The following BCAS3 variants were observed in gnomAD, a reference collection of about 807,000 sequenced individuals.
BCAS3 encodes the protein BCAS4/BCAS3 fusion.
BCAS3 carries 53 observed loss-of-function variants against 116.1 expected under a neutral mutation model. The observed-to-expected ratio is 0.46, with a 90% CI of 0.37 to 0.57. BCAS3 has a LOEUF of 0.57. BCAS3 is among the 20% of genes least tolerant of loss of function. The pLI, the probability that BCAS3 is intolerant of heterozygous loss-of-function variation, is 0.00. For missense variants in BCAS3, 917 were observed against 1,165.4 expected (o/e 0.79, Z 3.10); for synonymous variants, 391 against 408.2 (o/e 0.96, Z 0.51).
intron 19 of BCAS3, among the ~76,000 whole-genome samples, chr17:61,070,644 G>A (rs1482625028): frequency 6.6e-6 from 1 of 151,650 alleles, no homozygotes; most frequent in Non-Finnish European, 1.5e-5. Flanking sequence ...TTACCTTTTT[G>A]TGCCCAAAGC....
Position 61,315,068 on chromosome 17 carries a change from A to T in BCAS3, c.2426-53259A>T, listed in dbSNP as rs1437408139. ...CCTTGAATCCTCTCCCCAGCATTCCAGGGGCAGTCTCCTCCACACGCCACA... is the reference window on the plus strand; with the variant it reads ...CCTTGAATCCTCTCCCCAGCATTCCTGGGGCAGTCTCCTCCACACGCCACA... On this transcript the variant is annotated intron_variant, in intron 22 of 23. Transcript: ENST00000407086. This position sits in a 1 kb window ranked among gnomAD's most constrained non-coding sequence, Gnocchi z 5.3. Among the ~76,000 whole-genome samples the T allele has an allele frequency of 6.6e-6, 1 of 152,198 alleles. No individual in the cohort carries two copies. The highest frequency in any genetic ancestry group is 1.9e-4 in the East Asian group (1 of 5,174).
chr17:61,052,778 G>A (rs1450117630), intron 19 of BCAS3, among the ~76,000 whole-genome samples: 3 of 148,774 alleles, frequency 2.0e-5, no homozygotes, highest in Non-Finnish European at 3.0e-5. Flanking sequence ...GAGTGTAGTG[G>A]CACGCTCTTG....
intron 22 of BCAS3, among the ~76,000 whole-genome samples, chr17:61,179,874 C>CTTTT (rs5821309): frequency 1.3e-4 from 16 of 124,490 alleles, no homozygotes; most frequent in African/African-American, 3.3e-4. Context: ...CTCTCTCTCT[C>CTTTT]TTTTTTTTTT....
intron 14 of BCAS3, among the ~76,000 whole-genome samples, chr17:60,963,002 A>G (rs2061483080): frequency 2.6e-5 from 4 of 152,140 alleles, no homozygotes; most frequent in Non-Finnish European, 4.4e-5. Flanking sequence ...CTGTTCTTTT[A>G]CCTTCTTATG....
At chr17:61,061,769 A>T (rs1316512834) in intron 19 of BCAS3, among the ~76,000 whole-genome samples, 1 of 152,218 alleles carries the variant, frequency 6.6e-6, no homozygotes, top group Admixed American at 6.5e-5. Context: ...CTGTTGAAGC[A>T]TTACAACTCA....
At chr17:61,086,755 A>G in intron 22 of BCAS3, 1 of 985,428 alleles carries the variant, frequency 1.0e-6, no homozygotes, top group Non-Finnish European at 1.2e-6. Context: ...CAAAACAGTG[A>G]AACATGTGTG....
chr17:60,876,395 T>C (rs2055608210), intron 9 of BCAS3, among the ~76,000 whole-genome samples: 1 of 152,078 alleles, frequency 6.6e-6, no homozygotes, highest in Admixed American at 6.5e-5. Flanking sequence ...GATGTTTTAA[T>C]CCTATATATC....
intron 7 of BCAS3, among the ~76,000 whole-genome samples, chr17:60,852,929 C>T (rs139536638): frequency 6.6e-6 from 1 of 152,282 alleles, no homozygotes; most frequent in Non-Finnish European, 1.5e-5. Flanking sequence ...TAAGATTAAC[C>T]AATTGCCCTC....
intron 22 of BCAS3, among the ~76,000 whole-genome samples, chr17:61,272,734 G>A (rs1333121270): frequency 7.0e-6 from 1 of 142,480 alleles, no homozygotes; most frequent in African/African-American, 2.5e-5. Context: ...TAGTGTGTAA[G>A]TTTCAGGCTA....
chr17:60,784,406 C>T (rs938102139), intron 6 of BCAS3, among the ~76,000 whole-genome samples: 2 of 148,704 alleles, frequency 1.3e-5, no homozygotes, highest in African/African-American at 5.0e-5. Context: ...TCATGCCATT[C>T]TCCTGCCTCA....
rs2067122638 is a variant in BCAS3, at chr17:61,037,433, G to GC, written c.1763-455dup. Among the ~76,000 whole-genome samples the GC allele has an allele frequency of 6.6e-6, 1 of 152,176 alleles. No homozygotes were observed. Among genetic ancestry groups the GC allele is most frequent in the African/African-American group, 2.4e-5 (1 of 41,434 alleles). On this transcript the variant is annotated intron_variant, in intron 17 of 23. Transcript: ENST00000407086. The surrounding 1 kb of genome is among the most constrained non-coding windows in gnomAD (Gnocchi z 4.7). ...GACATTTTCATATTCACTAGCATGTGCTTATACGAGGCAACCTTTAGGCAA... is the reference window on the plus strand; with the variant it reads ...GACATTTTCATATTCACTAGCATGTGCCTTATACGAGGCAACCTTTAGGCAA...
rs936548505 is a variant in BCAS3 at position 61,063,127 on chromosome 17, C to G, written c.2030-11793C>G. On this transcript the variant is annotated intron_variant, in intron 19 of 23. Transcript: ENST00000407086. This position sits in a 1 kb window ranked among gnomAD's most constrained non-coding sequence, Gnocchi z 5.3. Reference sequence around the variant, plus strand: ...CCTCAAGCATCCTAAAAAACTGTTGCCGTGACCTTTGCTCTTGCCCACTTT... The same window carrying G: ...CCTCAAGCATCCTAAAAAACTGTTGGCGTGACCTTTGCTCTTGCCCACTTT... Among the ~76,000 whole-genome samples, 22 of 152,214 alleles carry G rather than the reference C, an allele frequency of 1.4e-4. No homozygotes were observed. The highest frequency in any genetic ancestry group is 5.1e-4 in the African/African-American group (21 of 41,460).
At chr17:60,996,541 A>G (rs973267124) in intron 15 of BCAS3, among the ~76,000 whole-genome samples, 1 of 152,106 alleles carries the variant, frequency 6.6e-6, no homozygotes, top group African/African-American at 2.4e-5. Flanking sequence ...AGGTTTTGGG[A>G]TGGGGACAGG....
Position 61,368,456 on chromosome 17 carries a change from C to T in BCAS3, c.2555C>T (p.Ala852Val). The change falls in exon 23 of 24, where the codon GCC becomes GTC. Residue 852 changes from alanine to valine, a missense_variant. Transcript: ENST00000407086. The surrounding 1 kb of genome is among the most constrained non-coding windows in gnomAD (Gnocchi z 6.0). ...GLRERLADAM[A>V]ESPSRDVVGS... ...CGGGAGCGACTTGCCGACGCCATGGCCGAGTCACCTAGCCGGGACGTCGTG... is the reference window on the plus strand; with the variant it reads ...CGGGAGCGACTTGCCGACGCCATGGTCGAGTCACCTAGCCGGGACGTCGTG... The T allele has an allele frequency of 5.0e-6, 8 of 1,611,510 alleles. No homozygotes were observed. Among genetic ancestry groups the T allele is most frequent in the Non-Finnish European group, 6.8e-6 (8 of 1,177,862 alleles).
intron 15 of BCAS3, among the ~76,000 whole-genome samples, chr17:60,996,153 A>G (rs1811296114): frequency 6.6e-6 from 1 of 152,102 alleles, no homozygotes; most frequent in African/African-American, 2.4e-5. Flanking sequence ...CATGAGATGG[A>G]GGGGGGCTCT....
At position 61,013,040 on chromosome 17, in the gene BCAS3, G is replaced by A. The variant is rs979642117; in HGVS notation, c.1487-2711G>A. 3.3e-5 allele frequency among the ~76,000 whole-genome samples: 5 copies of A among 151,858 alleles called. No individual in the cohort carries two copies. Among genetic ancestry groups the A allele is most frequent in the Admixed American group, 2.0e-4 (3 of 15,226 alleles). ...TCCCTTTATACCACTCTCCCCTCAC[G>A]TTATCCTTCATGCCCAGAATATTCC... On this transcript the variant is annotated intron_variant, in intron 15 of 23. Transcript: ENST00000407086. This position sits in a 1 kb window ranked among gnomAD's most constrained non-coding sequence, Gnocchi z 4.4.
rs1417888797 is a variant in BCAS3 at position 61,075,119 on chromosome 17, C to T, written c.2130+99C>T. 5.0e-5 allele frequency: 44 copies of T among 876,256 alleles called. No homozygotes were observed. The Admixed American group carries it at 1.1e-3, about 22-fold the overall frequency. The allele number at this position is 876,256 out of a possible 1,614,324, so 54.3% of individuals were successfully genotyped here. A position where few individuals can be genotyped will look rare whatever the true frequency, so the allele number is the denominator to read the frequency against. On this transcript the variant is annotated intron_variant, in intron 20 of 23. Transcript: ENST00000407086. ...AGGTAAAAGGGGAGAATTGGTAACT[C>T]TTTATTGGATTATCAAGAATTAGTT... is the stretch of plus-strand genomic sequence containing the variant.
At position 61,378,665 on chromosome 17, in the gene BCAS3, C is replaced by A. The variant is rs1376535465; in HGVS notation, c.2593+10171C>A. On this transcript the variant is annotated intron_variant, in intron 23 of 23. Coordinates refer to ENST00000407086, the MANE Select transcript of BCAS3 (RefSeq NM_017679.5). This position sits in a 1 kb window ranked among gnomAD's most constrained non-coding sequence, Gnocchi z 5.8. The stretch of plus-strand genomic sequence containing the variant: ...GCACTGGAAGGAGAGCCAGGCTGAG[C>A]CTCAGTTAATGTTTGTTGAGTGACT... The A allele has an allele frequency of 6.6e-6, 1 of 152,272 alleles. No homozygotes were observed. Among genetic ancestry groups the A allele is most frequent in the African/African-American group, 2.4e-5 (1 of 41,460 alleles). 9.4% of individuals were successfully genotyped at this position (152,272 alleles called of 1,614,324 possible). A position where few individuals can be genotyped will look rare whatever the true frequency, so the allele number is the denominator to read the frequency against.
At chr17:60,985,067 G>A (rs1157814147) in intron 14 of BCAS3, among the ~76,000 whole-genome samples, 1 of 145,398 alleles carries the variant, frequency 6.9e-6, no homozygotes, top group African/African-American at 2.5e-5. Context: ...TGTCAAATAA[G>A]TGCATAGTGA....
Sources: allele counts gnomAD v4.1 joint callset (sites outside exome capture counted in the v4.1 genomes callset), GRCh38; gene constraint gnomAD v4.1.1; non-coding constraint Gnocchi (gnomAD v3.1); transcripts MANE v1.5; gene names NCBI Gene and HGNC (gene_info 2026-07-23, HGNC 2026-07-21).